ZBTB20: variants seen among roughly 807,000 people sequenced by gnomAD.
The protein encoded by ZBTB20 is zinc finger and BTB domain containing 20.
A neutral mutation model predicts 56.9 loss-of-function variants in ZBTB20; 9 were observed. The observed-to-expected ratio is 0.16, with a 90% CI of 0.10 to 0.28. The LOEUF is 0.28. Ranked by LOEUF, ZBTB20 falls within the 10% of genes least tolerant of loss-of-function variation. The probability of loss-of-function intolerance (pLI) is 1.00; values close to 1 mark genes in which losing one functional copy is unlikely to be tolerated. For missense variants in ZBTB20, 655 were observed against 1,003.0 expected (o/e 0.65, Z 4.69); for synonymous variants, 417 against 420.7 (o/e 0.99, Z 0.11).
chr3:114,825,945 A>C (rs920247725), intron 4 of ZBTB20, among the ~76,000 whole-genome samples: 3 of 151,830 alleles, frequency 2.0e-5, no homozygotes, highest in African/African-American at 7.2e-5. Context: ...CTAGCATTAA[A>C]GTTTTCTAGT....
chr3:114,900,512 T>TATATATACAC (rs549497546), intron 3 of ZBTB20, 170 bp from the exon 4 acceptor site: 2 of 145,642 alleles, frequency 1.4e-5, no homozygotes, highest in South Asian at 2.2e-4. Context: ...TGAAAATATA[T>TATATATACAC]ACACACACAC....
chr3:114,828,368 G>T (rs1259016865), intron 4 of ZBTB20, among the ~76,000 whole-genome samples: 1 of 151,458 alleles, frequency 6.6e-6, no homozygotes, highest in Non-Finnish European at 1.5e-5. Context: ...TTCTATAAAT[G>T]CAGTTTCACC....
intron 6 of ZBTB20, among the ~76,000 whole-genome samples, chr3:114,669,187 T>C (rs1052028055): frequency 9.9e-5 from 15 of 152,008 alleles, no homozygotes; most frequent in Admixed American, 7.2e-4. Context: ...CATCCTACAG[T>C]GCACAGAACA....
intron 5 of ZBTB20, among the ~76,000 whole-genome samples, chr3:114,798,117 T>C (rs1002273043): frequency 6.6e-6 from 1 of 151,850 alleles, no homozygotes; most frequent in African/African-American, 2.4e-5. Context: ...TCTGACACCA[T>C]GCGTCGTACA....
chr3:114,981,296 G>A (rs1241324320), intron 2 of ZBTB20, among the ~76,000 whole-genome samples: 1 of 151,958 alleles, frequency 6.6e-6, no homozygotes, highest in Non-Finnish European at 1.5e-5. Flanking sequence ...CTAATAATGA[G>A]CTATTTTGTT....
intron 1 of ZBTB20, among the ~76,000 whole-genome samples, chr3:115,114,955 T>G (rs1430971940): frequency 1.3e-5 from 2 of 152,132 alleles, no homozygotes; most frequent in African/African-American, 4.8e-5. Flanking sequence ...TTCTTATTAC[T>G]TCTCAATACT....
chr3:114,445,257 C>T (rs2091199315), intron 7 of ZBTB20, among the ~76,000 whole-genome samples: 1 of 152,086 alleles, frequency 6.6e-6, no homozygotes, highest in Non-Finnish European at 1.5e-5. Context: ...TAATTATAAC[C>T]TATAGGAAAA....
chr3:114,982,157 T>C (rs2078356457), intron 2 of ZBTB20, among the ~76,000 whole-genome samples: 2 of 152,060 alleles, frequency 1.3e-5, no homozygotes, highest in African/African-American at 2.4e-5. Context: ...GGGATAAATA[T>C]GTGAATGATT....
At chr3:115,107,106 TG>T (rs2083745042) in intron 1 of ZBTB20, among the ~76,000 whole-genome samples, 2 of 152,384 alleles carry the variant, frequency 1.3e-5, no homozygotes, top group East Asian at 3.9e-4. Context: ...TCAACTTTGC[TG>T]TATGTTTGAA....
intron 6 of ZBTB20, among the ~76,000 whole-genome samples, chr3:114,510,497 C>CT (rs561052542): frequency 5.6e-4 from 82 of 145,836 alleles, no homozygotes; most frequent in South Asian, 1.1e-3. Flanking sequence ...CCACACTGAG[C>CT]TTTTTTTTTT....
intron 11 of ZBTB20, 118 bp downstream of exon 11, chr3:114,350,156 G>A: frequency 7.1e-7 from 1 of 1,403,586 alleles, no homozygotes; most frequent in African/African-American, 1.4e-5. Context: ...CTTGTGGTGG[G>A]GTCTGTTTAA....
intron 6 of ZBTB20, among the ~76,000 whole-genome samples, chr3:114,675,257 G>C (rs1350508589): frequency 6.8e-6 from 1 of 147,432 alleles, no homozygotes; most frequent in Non-Finnish European, 1.5e-5. Flanking sequence ...GACACAGCTT[G>C]GGAAAATTGC....
chr3:114,822,035 GA>G (rs34778141), intron 4 of ZBTB20, among the ~76,000 whole-genome samples: 6,092 of 151,988 alleles, frequency 0.04, 430 homozygotes, highest in African/African-American at 0.14. Context: ...AGAAAGACTT[GA>G]AAAAAATCTC....
intron 7 of ZBTB20, among the ~76,000 whole-genome samples, chr3:114,423,957 T>C (rs2089422144): frequency 6.6e-6 from 1 of 152,258 alleles, no homozygotes; most frequent in African/African-American, 2.4e-5. Flanking sequence ...ACCAACCTCA[T>C]GTGAACTGTT....
chr3:114,798,247 T>C (rs1435595796), intron 5 of ZBTB20, among the ~76,000 whole-genome samples: 5 of 151,544 alleles, frequency 3.3e-5, no homozygotes, highest in Admixed American at 6.6e-5. Flanking sequence ...ACTTTGTAAA[T>C]CATCATAAAG....
chr3:114,879,156 G>A (rs1402956678), intron 4 of ZBTB20, among the ~76,000 whole-genome samples: 2 of 152,186 alleles, frequency 1.3e-5, no homozygotes, highest in Non-Finnish European at 2.9e-5. Context: ...TCAGTGATAA[G>A]TGAAGAAATT....
At chr3:114,470,951 C>T (rs541549395) in intron 7 of ZBTB20, among the ~76,000 whole-genome samples, 1 of 152,294 alleles carries the variant, frequency 6.6e-6, no homozygotes, top group South Asian at 2.1e-4. Flanking sequence ...TCTCCTGGAG[C>T]AGACCTGGTT....
chr3:114,860,163 CG>C (rs2075453062), intron 4 of ZBTB20, among the ~76,000 whole-genome samples: 1 of 151,956 alleles, frequency 6.6e-6, no homozygotes, highest in Admixed American at 6.6e-5. Context: ...AAAAATTAGC[CG>C]GGCTTGTTGG....
chr3:114,483,399 G>C (rs2041764723), intron 7 of ZBTB20, among the ~76,000 whole-genome samples: 1 of 151,758 alleles, frequency 6.6e-6, no homozygotes. Context: ...TAAATAAGCA[G>C]CACACCATTA....
Sources: allele counts gnomAD v4.1 joint callset (sites outside exome capture counted in the v4.1 genomes callset), GRCh38; gene constraint gnomAD v4.1.1; transcripts MANE v1.5; gene names NCBI Gene and HGNC (gene_info 2026-07-23, HGNC 2026-07-21).